The following QSOX1 variants were observed in gnomAD, a reference collection of about 807,000 sequenced individuals.
QSOX1 encodes the protein sulfhydryl oxidase 1.
Under a neutral mutation model 76.1 loss-of-function variants are expected in QSOX1, and 40 were observed. The ratio of observed to expected loss-of-function variants is 0.53; its 90% CI spans 0.41 to 0.68. The LOEUF (loss-of-function observed/expected upper bound fraction) is 0.68. QSOX1 is among the 30% of genes least tolerant of loss of function. The pLI is 0.00. For missense variants in QSOX1, 931 were observed against 974.3 expected (o/e 0.96, Z 0.59); for synonymous variants, 392 against 413.1 (o/e 0.95, Z 0.62).
At chr1:180,177,286 T>C (rs1662923048) in intron 4 of QSOX1, among the ~76,000 whole-genome samples, 1 of 143,272 alleles carries the variant, frequency 7.0e-6, no homozygotes, top group Non-Finnish European at 1.5e-5. Flanking sequence ...AGAATCTCGC[T>C]CTGTTGCCCA....
In QSOX1 at chr1:180,194,194, C is replaced by T; in HGVS notation, c.1289-19C>T. Reference sequence around the variant, plus strand: ...GGCAGCCTGAAGGGCTGGTGCGTGGCATCTCCTCTGCCCTGTAGCCAAGGC... The same window carrying T: ...GGCAGCCTGAAGGGCTGGTGCGTGGTATCTCCTCTGCCCTGTAGCCAAGGC... On this transcript the variant is annotated intron_variant, in intron 10 of 11. Transcript: ENST00000367602. 6.3e-7 allele frequency: 1 copy of T among 1,597,716 alleles called. No individual in the cohort carries two copies. Among genetic ancestry groups the T allele is most frequent in the Non-Finnish European group, 8.5e-7 (1 of 1,170,990 alleles).
chr1:180,185,947 T>C (rs1663159063), intron 7 of QSOX1, 106 bp from the exon 8 acceptor site: 1 of 1,359,450 alleles, frequency 7.4e-7, no homozygotes. Flanking sequence ...TCTGTGACCA[T>C]CAGCAGTGCC....
intron 8 of QSOX1, among the ~76,000 whole-genome samples, chr1:180,187,873 A>G (rs546192732): frequency 3.0e-4 from 46 of 152,332 alleles, no homozygotes; most frequent in African/African-American, 8.9e-4. Flanking sequence ...TTGCCCGCAC[A>G]TCCCCTGGGG....
At chr1:180,161,588 C>T (rs55946907) in intron 1 of QSOX1, among the ~76,000 whole-genome samples, 8,022 of 152,240 alleles carry the variant, frequency 0.053, 317 homozygotes, top group Non-Finnish European at 0.083. Context: ...CCAGAGAGGT[C>T]TTGTAGGGAG....
chr1:180,160,939 C>T (rs1212400853), intron 1 of QSOX1, among the ~76,000 whole-genome samples: 1 of 152,168 alleles, frequency 6.6e-6, no homozygotes, highest in Non-Finnish European at 1.5e-5. Context: ...ATTCAGAATT[C>T]AATCCATCTT....
intron 10 of QSOX1, among the ~76,000 whole-genome samples, chr1:180,193,583 G>C (rs937180720): frequency 1.3e-5 from 2 of 151,914 alleles, no homozygotes; most frequent in Admixed American, 6.6e-5. Flanking sequence ...GCTTAGGAGG[G>C]GCGTGTTGGA....
chr1:180,182,439 C>G (rs1337856356), intron 6 of QSOX1, 120 bp downstream of exon 6: 10 of 1,365,548 alleles, frequency 7.3e-6, no homozygotes, highest in Admixed American at 1.9e-5. Context: ...AGAGCCCCCT[C>G]AGGAGAAGCT....
At chr1:180,181,936 G>A (rs1442102737) in intron 5 of QSOX1, among the ~76,000 whole-genome samples, 1 of 152,220 alleles carries the variant, frequency 6.6e-6, no homozygotes, top group Non-Finnish European at 1.5e-5. Context: ...AGCGTGTGTG[G>A]CATGCACAGC....
At chr1:180,160,873 A>G (rs1662478493) in intron 1 of QSOX1, among the ~76,000 whole-genome samples, 1 of 152,220 alleles carries the variant, frequency 6.6e-6, no homozygotes, top group Non-Finnish European at 1.5e-5. Context: ...TAGGCACAGA[A>G]CAGTTCCTGT....
At position 180,182,378 on chromosome 1, in the gene QSOX1, T is replaced by TTGCC. The variant is rs1663062700; in HGVS notation, c.752+60_752+63dup. The TTGCC allele has an allele frequency of 1.9e-6, 3 of 1,599,816 alleles. No homozygotes were observed. The East Asian group carries it at 6.7e-5, about 36-fold the overall frequency. ...CCCTCCCTGTGCTCATCCTTCCTTC[T>TTGCC]TGCCCAGAGGGGCTGCCCGCCTTTC... On this transcript the variant is annotated intron_variant, in intron 6 of 11. Transcript: ENST00000367602.
chr1:180,178,763 G>T, intron 4 of QSOX1, 31 bp from the exon 5 acceptor site: 1 of 1,594,224 alleles, frequency 6.3e-7, no homozygotes, highest in Non-Finnish European at 8.6e-7. Flanking sequence ...TGCTGGCTGT[G>T]CAGAGTGACT....
At position 180,203,221 on chromosome 1, in the gene QSOX1, A is replaced by G. The variant is rs1221579677; in HGVS notation, c.*6184A>G. On this transcript the variant is annotated 3_prime_UTR_variant, in exon 12 of 12. Transcript: ENST00000367602. The stretch of plus-strand genomic sequence containing the variant: ...CTAGGTCTGCATTTATTGACCTGAT[A>G]AAATGTCCCAAGAAGGACACATTTT... 1 of 152,258 alleles carries G rather than the reference A, an allele frequency of 6.6e-6. No homozygotes were observed. Among genetic ancestry groups the G allele is most frequent in the African/African-American group, 2.4e-5 (1 of 41,474 alleles). 9.4% of individuals were successfully genotyped at this position (152,258 alleles called of 1,614,324 possible).
intron 1 of QSOX1, among the ~76,000 whole-genome samples, chr1:180,157,048 C>T (rs931421404): frequency 6.6e-6 from 1 of 152,212 alleles, no homozygotes; most frequent in Non-Finnish European, 1.5e-5. Flanking sequence ...GATACTGACC[C>T]ATTCTGCTCC....
chr1:180,195,855 G>A (rs941193699), intron 11 of QSOX1, among the ~76,000 whole-genome samples: 3 of 152,194 alleles, frequency 2.0e-5, no homozygotes, highest in Admixed American at 6.5e-5. Flanking sequence ...AGACAAACAC[G>A]AGCAGACCGA....
Position 180,203,070 on chromosome 1 carries a change from C to CAAAAAAAT in QSOX1, c.*6047_*6054dup, listed in dbSNP as rs1367713580. 1.3e-5 allele frequency: 2 copies of CAAAAAAAT among 149,284 alleles called. No homozygotes were observed. The highest frequency in any genetic ancestry group is 4.9e-5 in the African/African-American group (2 of 40,424). The allele number at this position is 149,284 out of a possible 1,614,324, so 9.2% of individuals were successfully genotyped here. A position where few individuals can be genotyped will look rare whatever the true frequency, so the allele number is the denominator to read the frequency against. On this transcript the variant is annotated 3_prime_UTR_variant, in exon 12 of 12. Coordinates refer to ENST00000367602, the MANE Select transcript of QSOX1 (RefSeq NM_002826.5). ...TGGGGGACAGAGCGAGACTCTGTCT[C>CAAAAAAAT]AAAAAAATAAAAAAATAAAAATAAA...
chr1:180,190,254 C>T (rs189172745), intron 9 of QSOX1, among the ~76,000 whole-genome samples, 179 bp from the exon 10 acceptor site: 2 of 152,332 alleles, frequency 1.3e-5, no homozygotes, highest in East Asian at 3.9e-4. Context: ...ATCTGGGTCA[C>T]AGCTTTTTAG....
In QSOX1 at chr1:180,197,371, GTC is replaced by G. The variant is rs760025173; in HGVS notation, c.*339_*340del. 4 of 1,613,842 alleles carry G rather than the reference GTC, an allele frequency of 2.5e-6. No homozygotes were observed. In the South Asian group the frequency reaches 4.4e-5, roughly 18 times the overall value. ...CTGCCTCATTCTCACTGGAGCCTCAGTCTCTCCTGCTTGGTCTTGGCCCTCAA... is the reference window on the plus strand; with the variant it reads ...CTGCCTCATTCTCACTGGAGCCTCAGTCTCCTGCTTGGTCTTGGCCCTCAA... On this transcript the variant is annotated 3_prime_UTR_variant, in exon 12 of 12. Coordinates refer to ENST00000367602, the MANE Select transcript of QSOX1 (RefSeq NM_002826.5).
At chr1:180,161,873 C>G (rs904359675) in intron 1 of QSOX1, among the ~76,000 whole-genome samples, 1 of 152,162 alleles carries the variant, frequency 6.6e-6, no homozygotes, top group Non-Finnish European at 1.5e-5. Flanking sequence ...CCAGTCCAAT[C>G]GTATTATCTC....
At chr1:180,163,425 C>T (rs1453799855) in intron 1 of QSOX1, among the ~76,000 whole-genome samples, 1 of 152,124 alleles carries the variant, frequency 6.6e-6, no homozygotes, top group East Asian at 1.9e-4. Context: ...AGTTTTTACT[C>T]CTTAGTAATC....
Sources: gnomAD v4.1 joint callset for allele counts (sites outside exome capture counted in the v4.1 genomes callset) on GRCh38, gnomAD v4.1.1 for gene constraint, MANE v1.5 for transcripts, NCBI Gene and HGNC (gene_info 2026-07-23, HGNC 2026-07-21) for gene names.